The following PTPRD variants were observed in gnomAD, a reference collection of about 807,000 sequenced individuals.
The protein encoded by PTPRD is receptor-type tyrosine-protein phosphatase delta.
PTPRD carries 34 observed loss-of-function variants against 214.5 expected under a neutral mutation model. That is an observed-to-expected ratio of 0.16 (90% CI 0.12 to 0.21). PTPRD has a LOEUF of 0.21. PTPRD is among the 10% of genes least tolerant of loss of function. The pLI, the probability that PTPRD is intolerant of heterozygous loss-of-function variation, is 1.00. For missense variants in PTPRD, 2,545 were observed against 2,398.7 expected, an observed-to-expected ratio of 1.06 and a Z score of -1.27; for synonymous variants, 1,128 against 845.7, an observed-to-expected ratio of 1.33 and a Z score of -5.79.
chr9:9,472,927 A>G lies in PTPRD; in HGVS notation c.-236-75445T>C, dbSNP rs559480554. Among the ~76,000 whole-genome samples the G allele has an allele frequency of 1.2e-4, 19 of 152,332 alleles. No homozygotes were observed. The East Asian group carries it at 3.5e-3, about 28-fold the overall frequency. ...TACAAGGTGTAATAATCAAATCAGG[A>G]TAATTAGCATATCCACACCTCATAT... On this transcript the variant is annotated intron_variant, in intron 8 of 45. Transcript: ENST00000381196.
chr9:10,183,471 T>A (rs2099312574), intron 3 of PTPRD, among the ~76,000 whole-genome samples: 1 of 152,178 alleles, frequency 6.6e-6, no homozygotes, highest in African/African-American at 2.4e-5. Context: ...GTTTTTTAAA[T>A]GTGTTCATGT....
At chr9:8,581,382 A>C (rs2093067752) in intron 14 of PTPRD, among the ~76,000 whole-genome samples, 1 of 152,342 alleles carries the variant, frequency 6.6e-6, no homozygotes, top group African/African-American at 2.4e-5. Context: ...ACAGTAATTA[A>C]AATCCTAAAC....
At chr9:8,997,981 T>A (rs2154352763) in intron 11 of PTPRD, among the ~76,000 whole-genome samples, 2 of 152,126 alleles carry the variant, frequency 1.3e-5, no homozygotes, top group East Asian at 3.9e-4. Flanking sequence ...TTCTATGAAG[T>A]CTGAGAGAGG....
intron 5 of PTPRD, among the ~76,000 whole-genome samples, chr9:9,885,147 G>C (rs766318715): frequency 1.3e-5 from 2 of 151,872 alleles, no homozygotes; most frequent in Non-Finnish European, 2.9e-5. Flanking sequence ...GAGAGCTTAA[G>C]GTACTGCATG....
In PTPRD at chr9:10,264,200, C is replaced by A. The variant is rs140894046; in HGVS notation, c.-545+76763G>T. On this transcript the variant is annotated intron_variant, in intron 3 of 45. Coordinates refer to ENST00000381196, the MANE Select transcript of PTPRD (RefSeq NM_002839.4). ...GGGAAATGTGGGGTTGAAGCCCCCA[C>A]ATAGAGTCCCCACTGGGGCGCTGCC... Among the ~76,000 whole-genome samples, 512 of 152,314 alleles carry A rather than the reference C, an allele frequency of 3.4e-3. 3 individuals carry two copies. Among genetic ancestry groups the A allele is most frequent in the African/African-American group, 0.012 (493 of 41,568 alleles).
At chr9:9,815,900 T>C (rs1237026423) in intron 5 of PTPRD, among the ~76,000 whole-genome samples, 2 of 152,146 alleles carry the variant, frequency 1.3e-5, no homozygotes, top group African/African-American at 2.4e-5. Flanking sequence ...AAGTCCAAGA[T>C]ACTAAGTGTT....
At chr9:9,839,182 G>T (rs1214892176) in intron 5 of PTPRD, among the ~76,000 whole-genome samples, 1 of 152,094 alleles carries the variant, frequency 6.6e-6, no homozygotes, top group Non-Finnish European at 1.5e-5. Context: ...TTGTAGTATA[G>T]TGTTGGAAGT....
At chr9:10,205,253 A>C (rs1051018289) in intron 3 of PTPRD, among the ~76,000 whole-genome samples, 1 of 152,028 alleles carries the variant, frequency 6.6e-6, no homozygotes, top group Non-Finnish European at 1.5e-5. Flanking sequence ...CAAAAAATAC[A>C]ACAAAAACTT....
intron 5 of PTPRD, among the ~76,000 whole-genome samples, chr9:9,816,621 T>G (rs1414468951): frequency 6.6e-6 from 1 of 152,080 alleles, no homozygotes; most frequent in Non-Finnish European, 1.5e-5. Context: ...CTCAAATGCC[T>G]TATGAGCTTA....
chr9:10,293,214 A>C (rs1365710560), intron 3 of PTPRD, among the ~76,000 whole-genome samples: 1 of 151,868 alleles, frequency 6.6e-6, no homozygotes, highest in Non-Finnish European at 1.5e-5. Context: ...CACAACTAGA[A>C]AGTTCAAGAA....
At chr9:10,145,142 T>C (rs1223847854) in intron 3 of PTPRD, among the ~76,000 whole-genome samples, 1 of 152,274 alleles carries the variant, frequency 6.6e-6, no homozygotes, top group South Asian at 2.1e-4. Context: ...GATTACATTT[T>C]AATAACTATT....
chr9:8,430,278 T>C (rs2094953709), intron 35 of PTPRD, among the ~76,000 whole-genome samples: 1 of 151,912 alleles, frequency 6.6e-6, no homozygotes, highest in Non-Finnish European at 1.5e-5. Flanking sequence ...ATTTTTTTTT[T>C]ACTTTTTTTC....
intron 2 of PTPRD, among the ~76,000 whole-genome samples, chr9:10,430,651 T>G (rs893835944): frequency 6.6e-6 from 1 of 152,042 alleles, no homozygotes; most frequent in Admixed American, 6.6e-5. Context: ...AGAATAATAA[T>G]GCAAATTAAT....
intron 2 of PTPRD, among the ~76,000 whole-genome samples, chr9:10,356,469 C>T (rs80341531): frequency 0.02 from 3,039 of 152,154 alleles, 106 homozygotes; most frequent in African/African-American, 0.069. Context: ...TTAAAATTTA[C>T]ACAAATTTCA....
chr9:10,385,779 G>T (rs2097903283), intron 2 of PTPRD, among the ~76,000 whole-genome samples: 1 of 151,728 alleles, frequency 6.6e-6, no homozygotes, highest in Admixed American at 6.6e-5. Flanking sequence ...TATCACAAAA[G>T]AAATGAACAT....
chr9:8,767,412 C>T (rs112818387), intron 11 of PTPRD, among the ~76,000 whole-genome samples: 7,558 of 152,146 alleles, frequency 0.05, 448 homozygotes, highest in African/African-American at 0.14. Flanking sequence ...CCACCACACC[C>T]GGCGTCCCAC....
rs1041689377 is a variant in PTPRD at position 8,642,545 on chromosome 9, A to G, written c.65-5701T>C. Reference sequence around the variant, plus strand: ...GTAGAATTTATGAGAAGATCAGCTGAAGTCATCTCTGATCTTTCTTTCTCT... The same window carrying G: ...GTAGAATTTATGAGAAGATCAGCTGGAGTCATCTCTGATCTTTCTTTCTCT... On this transcript the variant is annotated intron_variant, in intron 12 of 45. Coordinates refer to ENST00000381196, the MANE Select transcript of PTPRD (RefSeq NM_002839.4). 6.6e-5 allele frequency among the ~76,000 whole-genome samples: 10 copies of G among 152,180 alleles called. No individual in the cohort carries two copies. The South Asian group carries it at 1.9e-3, about 28-fold the overall frequency.
chr9:9,052,747 A>G (rs1224136389), intron 10 of PTPRD, among the ~76,000 whole-genome samples: 2 of 152,230 alleles, frequency 1.3e-5, no homozygotes, highest in Non-Finnish European at 2.9e-5. Flanking sequence ...GAAGTCACTG[A>G]TTCCCAATGG....
intron 16 of PTPRD, 88 bp from the exon 17 acceptor site, chr9:8,526,732 A>C (rs1342849791): frequency 1.9e-6 from 2 of 1,076,868 alleles, no homozygotes; most frequent in African/African-American, 3.2e-5. Context: ...AGAAGAATTA[A>C]ATTAGATTTA....
Sources: gnomAD v4.1 joint callset for allele counts (sites outside exome capture counted in the v4.1 genomes callset) on GRCh38, gnomAD v4.1.1 for gene constraint, MANE v1.5 for transcripts, NCBI Gene and HGNC (gene_info 2026-07-23, HGNC 2026-07-21) for gene names.